The following KIF27 variants were observed in gnomAD, a reference collection of about 807,000 sequenced individuals.
KIF27 encodes kinesin family member 27.
In KIF27, 84 loss-of-function variants were observed where a neutral mutation model predicts 141.8. That is an observed-to-expected ratio of 0.59 (90% CI 0.50 to 0.71). KIF27 has a LOEUF of 0.71. Ranked by LOEUF, KIF27 falls within the 30% of genes least tolerant of loss-of-function variation. The pLI, the probability that KIF27 is intolerant of heterozygous loss-of-function variation, is 0.00. For synonymous variants in KIF27, 471 were observed against 569.5 expected (o/e 0.83, Z 2.46); for missense variants, 1,306 against 1,628.4 (o/e 0.80, Z 3.41).
At chr9:83,880,770 A>G (rs562767906) in intron 10 of KIF27, among the ~76,000 whole-genome samples, 14 of 152,366 alleles carry the variant, frequency 9.2e-5, no homozygotes, top group African/African-American at 2.2e-4. Flanking sequence ...CTTTTCATTA[A>G]TAAGTATTTT....
At position 83,899,781 on chromosome 9, in the gene KIF27, T is replaced by G; in HGVS notation, c.1482A>C (p.Val494=). ...KCQCVLAADE[V]VFNQKELEVK... is the part of the protein sequence containing the mutation. ...CCTCCAGTTCCTTCTGATTAAATAC[T>G]ACTTCATCAGCAGCAAGCACACACT... The change falls in exon 5 of 18, where the codon GTA becomes GTC. Residue 494 remains valine, a synonymous_variant. Coordinates refer to ENST00000297814, the MANE Select transcript of KIF27 (RefSeq NM_017576.4). 3.1e-6 allele frequency: 5 copies of G among 1,613,112 alleles called. No individual in the cohort carries two copies. Among genetic ancestry groups the G allele is most frequent in the Non-Finnish European group, 4.2e-6 (5 of 1,179,480 alleles).
intron 13 of KIF27, among the ~76,000 whole-genome samples, chr9:83,866,060 T>G (rs2131979052): frequency 6.6e-6 from 1 of 152,162 alleles, no homozygotes; most frequent in South Asian, 2.1e-4. Context: ...GGAGTTTTTT[T>G]GACTTATCAC....
rs759759812 is a variant in KIF27 at position 83,904,029 on chromosome 9, T to C, written c.500-11A>G. 1 of 1,565,226 alleles carries C rather than the reference T, an allele frequency of 6.4e-7. No individual in the cohort carries two copies. Among genetic ancestry groups the C allele is most frequent in the African/African-American group, 1.4e-5 (1 of 73,144 alleles). On this transcript the variant is annotated splice_polypyrimidine_tract_variant and intron_variant, in intron 3 of 17. Coordinates refer to ENST00000297814, the MANE Select transcript of KIF27 (RefSeq NM_017576.4). The stretch of plus-strand genomic sequence containing the variant: ...TGGCCCCAACAATCACTTAAAATAG[T>C]AATAACATGTTTTTAAGCCAAGTTT...
intron 13 of KIF27, among the ~76,000 whole-genome samples, chr9:83,864,013 G>A (rs1282790468): frequency 2.6e-5 from 4 of 152,022 alleles, no homozygotes; most frequent in South Asian, 2.1e-4. Context: ...CTGTGGGATC[G>A]GTGGTGATAT....
chr9:83,887,539 A>G (rs1399707343), intron 8 of KIF27, among the ~76,000 whole-genome samples: 1 of 152,166 alleles, frequency 6.6e-6, no homozygotes, highest in East Asian at 1.9e-4. Flanking sequence ...GTTTCCTATC[A>G]ACTTCTACTT....
intron 5 of KIF27, among the ~76,000 whole-genome samples, chr9:83,896,369 A>G (rs900092686): frequency 6.6e-6 from 1 of 152,232 alleles, no homozygotes; most frequent in African/African-American, 2.4e-5. Context: ...GAGTTTAGTC[A>G]GGTTGCTGGA....
chr9:83,867,566 C>G, intron 13 of KIF27, 118 bp downstream of exon 13: 1 of 1,266,216 alleles, frequency 7.9e-7, no homozygotes, highest in Admixed American at 3.4e-5. Context: ...GTATGAAGGT[C>G]CCAATTTCTC....
At chr9:83,848,021 CTATATCTATATCTATA>C (rs1445470967) in intron 16 of KIF27, 3 of 104,244 alleles carry the variant, frequency 2.9e-5, no homozygotes, top group South Asian at 5.5e-4. Flanking sequence ...ATCATATATG[CTATATCTATATCTATA>C]TATATCTACA....
At chr9:83,848,558 C>A (rs1424380256) in intron 16 of KIF27, 1 of 143,486 alleles carries the variant, frequency 7.0e-6, no homozygotes, top group Non-Finnish European at 1.5e-5. Context: ...ATATCTATAT[C>A]TATATATAGA....
chr9:83,862,849 A>C (rs1377428582), intron 13 of KIF27, among the ~76,000 whole-genome samples: 2 of 151,946 alleles, frequency 1.3e-5, no homozygotes, highest in Non-Finnish European at 2.9e-5. Context: ...CTTTTATTTC[A>C]TTGAGCAGTG....
At chr9:83,880,159 A>T in intron 11 of KIF27, 138 bp downstream of exon 11, 2 of 1,297,726 alleles carry the variant, frequency 1.5e-6, no homozygotes. Context: ...CAAAGCTTTA[A>T]AGTGAATAAG....
chr9:83,918,983 GGA>G (rs998545644), intron 1 of KIF27, among the ~76,000 whole-genome samples: 6 of 152,116 alleles, frequency 3.9e-5, no homozygotes, highest in Non-Finnish European at 7.3e-5. Context: ...AGCTGAGGCA[GGA>G]GAATCGCTTG....
intron 11 of KIF27, among the ~76,000 whole-genome samples, chr9:83,871,158 T>C (rs1323522288): frequency 6.6e-6 from 1 of 152,152 alleles, no homozygotes; most frequent in Admixed American, 6.6e-5. Context: ...TGGCCTCCAG[T>C]GATCCTCCAG....
chr9:83,910,061 AC>A (rs1954985257), intron 2 of KIF27, among the ~76,000 whole-genome samples: 4 of 151,338 alleles, frequency 2.6e-5, no homozygotes, highest in African/African-American at 9.7e-5. Context: ...CTAAATACAT[AC>A]ATACATACAT....
intron 15 of KIF27, among the ~76,000 whole-genome samples, chr9:83,850,834 T>C (rs995328504): frequency 1.9e-5 from 2 of 107,532 alleles, no homozygotes; most frequent in African/African-American, 3.9e-5. Flanking sequence ...CATTTTCTTT[T>C]TTTTTTTTTT....
intron 16 of KIF27, among the ~76,000 whole-genome samples, chr9:83,848,070 G>C (rs144093269): frequency 2.3e-5 from 1 of 43,240 alleles, no homozygotes; most frequent in Non-Finnish European, 3.9e-5. Context: ...TCATATATAT[G>C]ATATATGATA....
chr9:83,894,712 A>G (rs1296924766), intron 5 of KIF27, among the ~76,000 whole-genome samples: 1 of 152,152 alleles, frequency 6.6e-6, no homozygotes, highest in Non-Finnish European at 1.5e-5. Context: ...GCTGAGAGAC[A>G]AGTCTTGGAA....
chr9:83,915,656 C>T lies in KIF27; in HGVS notation c.-65G>A, dbSNP rs969643503. The T allele has an allele frequency of 2.2e-6, 3 of 1,369,354 alleles. No individual in the cohort carries two copies. In the Admixed American group the frequency reaches 7.1e-5, roughly 33 times the overall value. The allele number at this position is 1,369,354 out of a possible 1,614,324, so 84.8% of individuals were successfully genotyped here. A position where few individuals can be genotyped will look rare whatever the true frequency, so the allele number is the denominator to read the frequency against. ...TTCAGTATCTAGTGTGAGAGACTTC[C>T]ATCTTATGTAAGATCTGGATTCCTG... On this transcript the variant is annotated 5_prime_UTR_variant, in exon 2 of 18. An upstream start codon of the reference 5' UTR is lost. Coordinates refer to ENST00000297814, the MANE Select transcript of KIF27 (RefSeq NM_017576.4).
chr9:83,893,236 T>G lies in KIF27; in HGVS notation c.1603-1735A>C, dbSNP rs1331670711. The stretch of plus-strand genomic sequence containing the variant: ...TGGGTGACAGAGTTGAGGTCTGTCA[T>G]AGTGGGAGATTTTAACATCACTTTA... On this transcript the variant is annotated intron_variant, in intron 5 of 17. Transcript: ENST00000297814. 2.0e-5 allele frequency among the ~76,000 whole-genome samples: 3 copies of G among 152,272 alleles called. No individual in the cohort carries two copies. In the East Asian group the frequency reaches 5.8e-4, roughly 29 times the overall value.
Sources: allele counts gnomAD v4.1 joint callset (sites outside exome capture counted in the v4.1 genomes callset), GRCh38; gene constraint gnomAD v4.1.1; transcripts MANE v1.5; gene names NCBI Gene and HGNC (gene_info 2026-07-23, HGNC 2026-07-21).